Variants in ADARB2 observed in about 807,000 individuals in gnomAD.
ADARB2 encodes the protein inactive double-stranded RNA-specific editase B2.
A neutral mutation model predicts 62.2 loss-of-function variants in ADARB2; 25 were observed. The observed-to-expected ratio is 0.40, with a 90% CI of 0.29 to 0.56. ADARB2 has a LOEUF of 0.56. Ranked by LOEUF, ADARB2 falls within the 20% of genes least tolerant of loss-of-function variation. ADARB2 has a pLI of 0.43. For synonymous variants in ADARB2, 572 were observed against 500.8 expected (o/e 1.14, Z -1.90); for missense variants, 1,071 against 1,077.4 (o/e 0.99, Z 0.08).
intron 1 of ADARB2, among the ~76,000 whole-genome samples, chr10:1,590,401 C>T (rs766827589): frequency 2.0e-5 from 3 of 152,130 alleles, no homozygotes; most frequent in Non-Finnish European, 4.4e-5. Flanking sequence ...AATGGGTTCT[C>T]GTTGATTTTT....
In ADARB2 at chr10:1,327,398, A is replaced by C. The variant is rs370599397; in HGVS notation, c.1077+35630T>G. On this transcript the variant is annotated intron_variant, in intron 3 of 9. Coordinates refer to ENST00000381312, the MANE Select transcript of ADARB2 (RefSeq NM_018702.4). The stretch of plus-strand genomic sequence containing the variant: ...CCACGGCACAGCGCCTCCCCACTGC[A>C]CAGCGCCTCCCCACTGCCCAGCGCC... 1.0e-2 allele frequency among the ~76,000 whole-genome samples: 234 copies of C among 23,448 alleles called. 38 individuals are homozygous for C. The highest frequency in any genetic ancestry group is 0.038 in the African/African-American group (127 of 3,372). The allele number at this position is 23,448 out of a possible 152,430, so 15.4% of individuals were successfully genotyped here.
At chr10:1,243,154 A>C (rs1564233570) in intron 4 of ADARB2, among the ~76,000 whole-genome samples, 1 of 152,206 alleles carries the variant, frequency 6.6e-6, no homozygotes, top group African/African-American at 2.4e-5. Context: ...CGATCCAATA[A>C]CAAATCCATC....
At chr10:1,676,302 G>A (rs1022081752) in intron 1 of ADARB2, among the ~76,000 whole-genome samples, 3 of 151,972 alleles carry the variant, frequency 2.0e-5, no homozygotes, top group African/African-American at 4.8e-5. Flanking sequence ...GCCTCTAGAC[G>A]CCCCCACCCA....
chr10:1,608,788 GAAA>G lies in ADARB2; in HGVS notation c.100+128260_100+128262del, dbSNP rs1461857704. Among the ~76,000 whole-genome samples, 560 of 148,060 alleles carry G rather than the reference GAAA, an allele frequency of 3.8e-3. 6 individuals carry two copies. Among genetic ancestry groups the G allele is most frequent in the African/African-American group, 0.013 (539 of 40,474 alleles). The stretch of plus-strand genomic sequence containing the variant: ...AGAAAGAGAAAGAGAAAGAAAGAAA[GAAA>G]GAAAGAAAAGCAAGGGAGGGAGGAG... On this transcript the variant is annotated intron_variant, in intron 1 of 9. Coordinates refer to ENST00000381312, the MANE Select transcript of ADARB2 (RefSeq NM_018702.4).
At chr10:1,207,576 G>A (rs1837086027) in intron 7 of ADARB2, among the ~76,000 whole-genome samples, 1 of 152,164 alleles carries the variant, frequency 6.6e-6, no homozygotes, top group Admixed American at 6.5e-5. Flanking sequence ...AGAAGCTGTT[G>A]TTGAGGGAAC....
At chr10:1,624,614 T>C (rs1833744509) in intron 1 of ADARB2, among the ~76,000 whole-genome samples, 1 of 152,126 alleles carries the variant, frequency 6.6e-6, no homozygotes, top group Admixed American at 6.5e-5. Context: ...AAAATAACAT[T>C]GATGGATATG....
At chr10:1,676,586 G>A (rs2119112522) in intron 1 of ADARB2, among the ~76,000 whole-genome samples, 1 of 152,112 alleles carries the variant, frequency 6.6e-6, no homozygotes, top group Non-Finnish European at 1.5e-5. Context: ...GGGACCTCTG[G>A]GCTCAAGCAA....
intron 1 of ADARB2, among the ~76,000 whole-genome samples, chr10:1,609,910 C>T (rs773800952): frequency 4.6e-5 from 7 of 152,248 alleles, no homozygotes; most frequent in Admixed American, 1.3e-4. Flanking sequence ...TGACAGTCCC[C>T]GTCTGCCCTC....
intron 1 of ADARB2, among the ~76,000 whole-genome samples, chr10:1,535,402 G>T (rs945701279): frequency 6.6e-6 from 1 of 152,182 alleles, no homozygotes. Context: ...ACAATATTCC[G>T]AGGTGATACT....
chr10:1,216,677 T>C, intron 7 of ADARB2: 1 of 494,944 alleles, frequency 2.0e-6, no homozygotes, highest in Non-Finnish European at 3.6e-6. Context: ...AGCCACAGCC[T>C]GGGGTTGCCG....
chr10:1,574,304 C>G (rs570313755), intron 1 of ADARB2, among the ~76,000 whole-genome samples: 1 of 152,300 alleles, frequency 6.6e-6, no homozygotes, highest in African/African-American at 2.4e-5. Context: ...AGGTGTCAGG[C>G]TGGGACAAGG....
chr10:1,367,733 A>G (rs1832325730), intron 2 of ADARB2, among the ~76,000 whole-genome samples: 1 of 152,152 alleles, frequency 6.6e-6, no homozygotes, highest in Admixed American at 6.5e-5. Context: ...GATTTCTCGC[A>G]AGGTGGGGAT....
chr10:1,642,000 G>A (rs1833984957), intron 1 of ADARB2, among the ~76,000 whole-genome samples: 2 of 132,380 alleles, frequency 1.5e-5, no homozygotes, highest in Non-Finnish European at 1.7e-5. Flanking sequence ...GCTACAGAGC[G>A]AGACTCCATT....
At chr10:1,611,131 C>T (rs1420227204) in intron 1 of ADARB2, among the ~76,000 whole-genome samples, 3 of 152,186 alleles carry the variant, frequency 2.0e-5, no homozygotes, top group East Asian at 1.9e-4. Flanking sequence ...GGGAGGAAAC[C>T]TTCCCCGTGG....
intron 1 of ADARB2, among the ~76,000 whole-genome samples, chr10:1,709,089 C>T (rs1834923617): frequency 6.6e-6 from 1 of 152,184 alleles, no homozygotes; most frequent in Non-Finnish European, 1.5e-5. Flanking sequence ...CTAAGAATGA[C>T]TGTTTCATAG....
chr10:1,363,153 C>T lies in ADARB2; in HGVS notation c.952G>A (p.Glu318Lys), dbSNP rs777664123. The T allele has an allele frequency of 1.6e-5, 25 of 1,546,458 alleles. No homozygotes were observed. Among genetic ancestry groups the T allele is most frequent in the South Asian group, 2.3e-5 (2 of 85,212 alleles). The change falls in exon 3 of 10, where the codon GAG becomes AAG. Residue 318 changes from glutamate to lysine, a missense_variant. Transcript: ENST00000381312. ...MAVSVDGRTF[E>K]GSGRSKKLAR... ...AGCTTCTTGCTGCGCCCCGAGCCCT[C>T]GAACGTCCTGCCGTCCACGCTCACG...
At chr10:1,429,499 G>T (rs952899457) in intron 1 of ADARB2, among the ~76,000 whole-genome samples, 3 of 152,300 alleles carry the variant, frequency 2.0e-5, no homozygotes, top group Admixed American at 1.3e-4. Flanking sequence ...TTAGCCTATA[G>T]ATTTGGGCCC....
intron 3 of ADARB2, among the ~76,000 whole-genome samples, chr10:1,340,883 G>A (rs369705004): frequency 0.019 from 2,507 of 132,666 alleles, 78 homozygotes; most frequent in East Asian, 0.085. Flanking sequence ...AGAGAACCAC[G>A]CGCCCCACAG....
At chr10:1,502,642 G>C (rs1486388797) in intron 1 of ADARB2, among the ~76,000 whole-genome samples, 2 of 152,272 alleles carry the variant, frequency 1.3e-5, no homozygotes, top group Non-Finnish European at 2.9e-5. Flanking sequence ...CCTCTGGCCT[G>C]TGGACGGAAG....
Sources: gnomAD v4.1 joint callset for allele counts (sites outside exome capture counted in the v4.1 genomes callset) on GRCh38, gnomAD v4.1.1 for gene constraint, MANE v1.5 for transcripts, NCBI Gene and HGNC (gene_info 2026-07-23, HGNC 2026-07-21) for gene names.